The following ZNF536 variants were observed in gnomAD, a reference collection of about 807,000 sequenced individuals.
ZNF536 encodes zinc finger protein 536.
A neutral mutation model predicts 84.5 loss-of-function variants in ZNF536; 13 were observed. The observed-to-expected ratio is 0.15, with a 90% confidence interval of 0.10 to 0.24. The LOEUF (loss-of-function observed/expected upper bound fraction) is 0.24, where lower values mean the gene tolerates loss of function less well. Among genes scored for constraint, ZNF536 ranks in the 10% least tolerant of loss-of-function variants. The pLI is 1.00. For synonymous variants in ZNF536, 811 were observed against 742.5 expected, an observed-to-expected ratio of 1.09 and a Z score of -1.50; for missense variants, 1,536 against 1,747.5, an observed-to-expected ratio of 0.88 and a Z score of 2.16.
intron 1 of ZNF536, among the ~76,000 whole-genome samples, chr19:30,675,517 T>C (rs917725479): frequency 1.5e-4 from 23 of 152,120 alleles, no homozygotes; most frequent in Non-Finnish European, 1.5e-4. Flanking sequence ...GTCATTCAGG[T>C]TTATTTGAGA....
At chr19:30,601,013 T>G (rs145450844) in intron 1 of ZNF536, among the ~76,000 whole-genome samples, 226 of 152,328 alleles carry the variant, frequency 1.5e-3, no homozygotes, top group African/African-American at 5.1e-3. Flanking sequence ...GGGTAAAAGG[T>G]CTAAACTCTC....
intron 1 of ZNF536, among the ~76,000 whole-genome samples, chr19:30,646,820 G>C (rs77436735): frequency 0.017 from 2,541 of 152,152 alleles, 37 homozygotes; most frequent in South Asian, 0.031. Context: ...ATTCCACCAC[G>C]TTTGGGCGCA....
At chr19:30,626,136 A>G (rs2048667368) in intron 1 of ZNF536, among the ~76,000 whole-genome samples, 1 of 152,228 alleles carries the variant, frequency 6.6e-6, no homozygotes, top group South Asian at 2.1e-4. Context: ...GGAGCCGGGC[A>G]GGAGACGGCT....
intron 2 of ZNF536, among the ~76,000 whole-genome samples, chr19:30,467,228 C>T (rs1249427865): frequency 3.3e-5 from 5 of 152,210 alleles, no homozygotes; most frequent in Non-Finnish European, 7.3e-5. Flanking sequence ...AACCCTTCTC[C>T]TCTGGCAAAA....
intron 1 of ZNF536, among the ~76,000 whole-genome samples, chr19:30,590,430 G>T (rs2047236837): frequency 6.6e-6 from 1 of 152,200 alleles, no homozygotes; most frequent in African/African-American, 2.4e-5. Context: ...ATTTTCTGTG[G>T]CTTCCAATGC....
intron 1 of ZNF536, among the ~76,000 whole-genome samples, chr19:30,263,398 A>G (rs1291619856): frequency 6.6e-6 from 1 of 152,164 alleles, no homozygotes; most frequent in Non-Finnish European, 1.5e-5. Context: ...CACTGGGACC[A>G]GATTCCCTGG....
At chr19:30,571,696 G>T (rs766295250) in intron 1 of ZNF536, among the ~76,000 whole-genome samples, 1 of 152,076 alleles carries the variant, frequency 6.6e-6, no homozygotes, top group Non-Finnish European at 1.5e-5. Flanking sequence ...CCAACATCCG[G>T]CTTCCTCCCA....
intron 1 of ZNF536, among the ~76,000 whole-genome samples, chr19:30,598,367 C>T (rs977931980): frequency 6.6e-6 from 1 of 152,164 alleles, no homozygotes; most frequent in African/African-American, 2.4e-5. Flanking sequence ...ACCAAGTCTG[C>T]ATCTAGGGAG....
At chr19:30,699,353 C>T (rs1265587295) in intron 1 of ZNF536, among the ~76,000 whole-genome samples, 1 of 152,128 alleles carries the variant, frequency 6.6e-6, no homozygotes, top group Admixed American at 6.5e-5. Flanking sequence ...TGAAGTTAAG[C>T]TTGAGTTCAC....
At chr19:30,628,017 A>C (rs2048751043) in intron 1 of ZNF536, among the ~76,000 whole-genome samples, 1 of 152,034 alleles carries the variant, frequency 6.6e-6, no homozygotes, top group African/African-American at 2.4e-5. Context: ...TCCCGTGGGG[A>C]GGGCTTGGAA....
At chr19:30,659,975 GTGTGTGTT>G (rs1465235326) in intron 1 of ZNF536, among the ~76,000 whole-genome samples, 4 of 151,786 alleles carry the variant, frequency 2.6e-5, no homozygotes, top group African/African-American at 7.3e-5. Flanking sequence ...GTGTGTGTGT[GTGTGTGTT>G]TGTATGTGTT....
chr19:30,535,810 T>C lies in ZNF536; in HGVS notation c.2323+811T>C, dbSNP rs141244747. ...TTTATCTATTGGAGTATGAGCTGCT[T>C]CAGAGGCTAGACAAATATGCCATCT... On this transcript the variant is annotated intron_variant, in intron 3 of 4. Coordinates refer to ENST00000355537, the MANE Select transcript of ZNF536 (RefSeq NM_014717.3). Among the ~76,000 whole-genome samples the C allele has an allele frequency of 1.1e-4, 17 of 152,292 alleles. No homozygotes were observed. The East Asian group carries it at 2.9e-3, about 26-fold the overall frequency.
intron 1 of ZNF536, among the ~76,000 whole-genome samples, chr19:30,606,229 T>TGA (rs1568596847): frequency 5.1e-4 from 48 of 94,154 alleles, no homozygotes; most frequent in Admixed American, 1.1e-3. Context: ...TAAAATAAAA[T>TGA]AATAAAATAA....
chr19:30,226,955 G>C (rs1039646264), upstream of ZNF536, among the ~76,000 whole-genome samples: 3 of 151,602 alleles, frequency 2.0e-5, no homozygotes, highest in Non-Finnish European at 4.4e-5. This position sits in a 1 kb window ranked among gnomAD's most constrained non-coding sequence, Gnocchi z 4.6. Flanking sequence ...GAGGAAAACA[G>C]TCGTAGGCGA....
chr19:30,654,801 C>T (rs971964195), intron 1 of ZNF536, among the ~76,000 whole-genome samples: 2 of 146,946 alleles, frequency 1.4e-5, no homozygotes, highest in African/African-American at 5.0e-5. Flanking sequence ...CTCTGCTGAG[C>T]TCTACACTTC....
rs79638883 is a variant in ZNF536, at chr19:30,475,299, T to C, written c.2170+29567T>C. ...GTTTGACTCAGATTTCTCTTAGCCC[T>C]GTTCCTGTCCGTGTAACATAGCCAC... On this transcript the variant is annotated intron_variant, in intron 2 of 4. Transcript: ENST00000355537. Among the ~76,000 whole-genome samples the C allele has an allele frequency of 4.6e-5, 7 of 152,236 alleles. No homozygotes were observed. The East Asian group carries it at 1.4e-3, about 30-fold the overall frequency.
intron 2 of ZNF536, among the ~76,000 whole-genome samples, chr19:30,528,734 T>C (rs1474156455): frequency 6.6e-6 from 1 of 152,120 alleles, no homozygotes; most frequent in African/African-American, 2.4e-5. Flanking sequence ...CTTCATTTCC[T>C]TCATCTGTTG....
At chr19:30,236,132 C>T (rs968244120) in intron 1 of ZNF536, among the ~76,000 whole-genome samples, 7 of 152,178 alleles carry the variant, frequency 4.6e-5, no homozygotes, top group African/African-American at 9.7e-5. Flanking sequence ...GGCCACATGC[C>T]GGCATGAAAG....
At chr19:30,320,986 G>A (rs1040836567) in intron 2 of ZNF536, among the ~76,000 whole-genome samples, 4 of 152,172 alleles carry the variant, frequency 2.6e-5, no homozygotes, top group Non-Finnish European at 5.9e-5. Context: ...AAATAACCTT[G>A]TCCTCCTGCG....
Sources: gnomAD v4.1 joint callset for allele counts (sites outside exome capture counted in the v4.1 genomes callset) on GRCh38, gnomAD v4.1.1 for gene constraint, Gnocchi (gnomAD v3.1) non-coding constraint, MANE v1.5 for transcripts, NCBI Gene and HGNC (gene_info 2026-07-23, HGNC 2026-07-21) for gene names.